Variants in ANGPT1 observed in about 807,000 individuals in gnomAD.
The protein encoded by ANGPT1 is angiopoietin-1.
In ANGPT1, 17 loss-of-function variants were observed where a neutral mutation model predicts 62.2. The ratio of observed to expected loss-of-function variants is 0.27; its 90% confidence interval spans 0.19 to 0.41. The LOEUF is 0.41. ANGPT1 is among the 10% of genes least tolerant of loss of function. The pLI, the probability that ANGPT1 is intolerant of heterozygous loss-of-function variation, is 1.00. For missense variants in ANGPT1, 478 were observed against 594.9 expected, an observed-to-expected ratio of 0.80 and a Z score of 2.04; for synonymous variants, 199 against 198.9, an observed-to-expected ratio of 1.00 and a Z score of 0.00.
intron 8 of ANGPT1, among the ~76,000 whole-genome samples, chr8:107,261,018 T>C (rs1037799169): frequency 2.0e-5 from 3 of 152,192 alleles, no homozygotes; most frequent in East Asian, 3.8e-4. Context: ...AATACTCTTC[T>C]AAGGACACAT....
intron 4 of ANGPT1, among the ~76,000 whole-genome samples, chr8:107,304,106 T>C (rs1031994283): frequency 1.3e-5 from 2 of 151,852 alleles, no homozygotes; most frequent in Non-Finnish European, 2.9e-5. Flanking sequence ...AATAAGACTT[T>C]GAAATTAAAT....
chr8:107,401,900 C>A (rs1817054292), intron 1 of ANGPT1, among the ~76,000 whole-genome samples: 1 of 152,130 alleles, frequency 6.6e-6, no homozygotes, highest in Non-Finnish European at 1.5e-5. Context: ...CTCAAAACTA[C>A]AATATCTTGG....
chr8:107,285,525 G>A (rs192438249), intron 6 of ANGPT1, among the ~76,000 whole-genome samples: 3 of 152,246 alleles, frequency 2.0e-5, no homozygotes, highest in Admixed American at 1.3e-4. Flanking sequence ...TTTTGAGGCA[G>A]AAGGCTGATT....
At chr8:107,362,500 C>G (rs569251981) in intron 1 of ANGPT1, among the ~76,000 whole-genome samples, 1 of 151,952 alleles carries the variant, frequency 6.6e-6, no homozygotes, top group Non-Finnish European at 1.5e-5. Context: ...TTTTTCTGTC[C>G]TGATGTGCAT....
At chr8:107,474,165 G>A (rs1331324764) in intron 1 of ANGPT1, among the ~76,000 whole-genome samples, 1 of 151,838 alleles carries the variant, frequency 6.6e-6, no homozygotes, top group African/African-American at 2.4e-5. Flanking sequence ...TATCCCTGAA[G>A]AACATTGATG....
chr8:107,481,183 T>A (rs952786086), intron 1 of ANGPT1, among the ~76,000 whole-genome samples: 1 of 152,152 alleles, frequency 6.6e-6, no homozygotes, highest in Non-Finnish European at 1.5e-5. Context: ...GCATTAGGCA[T>A]CCACCTTACA....
chr8:107,251,575 A>G lies in ANGPT1; in HGVS notation c.*280T>C. Reference sequence around the variant, plus strand: ...AAAATAAGGTCCAGTAGTAGTTTGAAGCACAGCAAGCTCAGCAGTTTCTTC... The same window carrying G: ...AAAATAAGGTCCAGTAGTAGTTTGAGGCACAGCAAGCTCAGCAGTTTCTTC... On this transcript the variant is annotated 3_prime_UTR_variant, in exon 9 of 9. Coordinates refer to ENST00000517746, the MANE Select transcript of ANGPT1 (RefSeq NM_001146.5). 3.0e-6 allele frequency: 1 copy of G among 334,280 alleles called. No individual in the cohort carries two copies. The highest frequency in any genetic ancestry group is 6.2e-5 in the South Asian group (1 of 16,016). The allele number at this position is 334,280 out of a possible 1,614,324, so 20.7% of individuals were successfully genotyped here. A position where few individuals can be genotyped will look rare whatever the true frequency, so the allele number is the denominator to read the frequency against.
At chr8:107,379,034 C>G (rs2130266552) in intron 1 of ANGPT1, among the ~76,000 whole-genome samples, 1 of 151,934 alleles carries the variant, frequency 6.6e-6, no homozygotes, top group African/African-American at 2.4e-5. Context: ...TTTACAAACT[C>G]TGTTTCTATT....
chr8:107,440,251 G>C (rs943073629), intron 1 of ANGPT1, among the ~76,000 whole-genome samples: 1 of 152,150 alleles, frequency 6.6e-6, no homozygotes, highest in Non-Finnish European at 1.5e-5. Flanking sequence ...AACCACAGAA[G>C]ATGATTAAAA....
intron 2 of ANGPT1, among the ~76,000 whole-genome samples, chr8:107,339,859 A>G (rs1184055153): frequency 6.6e-6 from 1 of 152,222 alleles, no homozygotes; most frequent in Non-Finnish European, 1.5e-5. Context: ...CAGTGATGAC[A>G]GTCTAAATCT....
chr8:107,434,731 T>G (rs1811290108), intron 1 of ANGPT1, among the ~76,000 whole-genome samples: 1 of 152,244 alleles, frequency 6.6e-6, no homozygotes, highest in Non-Finnish European at 1.5e-5. Flanking sequence ...TCTCATGGCT[T>G]CTATTTTTGA....
At chr8:107,335,342 A>C (rs952764128) in intron 3 of ANGPT1, among the ~76,000 whole-genome samples, 1 of 152,212 alleles carries the variant, frequency 6.6e-6, no homozygotes, top group South Asian at 2.1e-4. Context: ...CTTCACCTCA[A>C]TATTATGCAT....
intron 3 of ANGPT1, among the ~76,000 whole-genome samples, chr8:107,323,483 A>C (rs1027427654): frequency 2.0e-5 from 3 of 152,198 alleles, no homozygotes; most frequent in Non-Finnish European, 2.9e-5. Flanking sequence ...TTGAAGAGCC[A>C]AATCTTCCAA....
At chr8:107,310,934 T>TGA (rs957854104) in intron 4 of ANGPT1, among the ~76,000 whole-genome samples, 14 of 126,114 alleles carry the variant, frequency 1.1e-4, no homozygotes, top group African/African-American at 3.2e-4. Flanking sequence ...TGTGTTAGTG[T>TGA]GAGTGTGTGT....
At chr8:107,363,600 C>T (rs1038505247) in intron 1 of ANGPT1, among the ~76,000 whole-genome samples, 1 of 151,838 alleles carries the variant, frequency 6.6e-6, no homozygotes, top group Non-Finnish European at 1.5e-5. Context: ...CTAGAAAAAG[C>T]GAAGAATAAT....
intron 1 of ANGPT1, among the ~76,000 whole-genome samples, chr8:107,406,614 G>A (rs1004852739): frequency 2.0e-5 from 3 of 151,960 alleles, no homozygotes; most frequent in Non-Finnish European, 4.4e-5. Flanking sequence ...AGTCTTTCGA[G>A]TCTCATATTA....
At chr8:107,405,918 A>G (rs1276290692) in intron 1 of ANGPT1, among the ~76,000 whole-genome samples, 1 of 151,956 alleles carries the variant, frequency 6.6e-6, no homozygotes, top group Non-Finnish European at 1.5e-5. Context: ...ATTGGCTCAA[A>G]GAGTATAAAC....
chr8:107,497,897 C>G lies in ANGPT1; in HGVS notation c.-339G>C. On this transcript the variant is annotated 5_prime_UTR_variant, in exon 1 of 9. Coordinates refer to ENST00000517746, the MANE Select transcript of ANGPT1 (RefSeq NM_001146.5). ...TACATATTCTAGACCCTTTCCTCTACCCTATCTGCTGCAGATCTGCTATTT... is the reference window on the plus strand; with the variant it reads ...TACATATTCTAGACCCTTTCCTCTAGCCTATCTGCTGCAGATCTGCTATTT... 1 of 448,630 alleles carries G rather than the reference C, an allele frequency of 2.2e-6. No homozygotes were observed. 27.8% of individuals were successfully genotyped at this position (448,630 alleles called of 1,614,324 possible). A position where few individuals can be genotyped will look rare whatever the true frequency, so the allele number is the denominator to read the frequency against.
At chr8:107,457,864 A>ACC (rs879670527) in intron 1 of ANGPT1, among the ~76,000 whole-genome samples, 103 of 96,890 alleles carry the variant, frequency 1.1e-3, no homozygotes, top group African/African-American at 1.9e-3. Context: ...ACACACACAC[A>ACC]CACCAAGAGG....
Sources: allele counts gnomAD v4.1 joint callset (sites outside exome capture counted in the v4.1 genomes callset), GRCh38; gene constraint gnomAD v4.1.1; transcripts MANE v1.5; gene names NCBI Gene and HGNC (gene_info 2026-07-23, HGNC 2026-07-21).